ATAT1: variants seen among roughly 807,000 people sequenced by gnomAD.
The protein encoded by ATAT1 is alpha tubulin acetyltransferase 1.
ATAT1 carries 42 observed loss-of-function variants against 57.2 expected under a neutral mutation model. That is an observed-to-expected ratio of 0.73 (90% CI 0.57 to 0.95). The LOEUF is 0.95. Ranked by LOEUF, ATAT1 falls within the 40% of genes least tolerant of loss-of-function variation. The probability of loss-of-function intolerance (pLI) is 0.00; values close to 1 mark genes in which losing one functional copy is unlikely to be tolerated. For synonymous variants in ATAT1, 168 were observed against 187.1 expected (o/e 0.90, Z 0.83); for missense variants, 454 against 523.7 (o/e 0.87, Z 1.30).
At chr6:30,634,690 TTAAAA>T (rs1360539853) in intron 6 of ATAT1, among the ~76,000 whole-genome samples, 33 of 148,140 alleles carry the variant, frequency 2.2e-4, no homozygotes, top group Admixed American at 2.2e-3. Flanking sequence ...AAAACCTTGT[TTAAAA>T]AAAAAAAAAA....
At chr6:30,638,839 G>C (rs1289228275) in intron 6 of ATAT1, among the ~76,000 whole-genome samples, 1 of 152,162 alleles carries the variant, frequency 6.6e-6, no homozygotes, top group African/African-American at 2.4e-5. Flanking sequence ...TGACTTCCAG[G>C]ATTGTGAAGG....
intron 6 of ATAT1, among the ~76,000 whole-genome samples, chr6:30,639,650 T>C (rs956645318): frequency 7.2e-5 from 11 of 151,994 alleles, no homozygotes; most frequent in African/African-American, 2.7e-4. Flanking sequence ...CTAATTTTTT[T>C]GTATTTTTAG....
Position 30,628,334 on chromosome 6 carries a change from G to A in ATAT1, c.405G>A (p.Glu135=). The change falls in exon 6 of 13, where the codon GAG becomes GAA. Residue 135 remains glutamate (E), a synonymous_variant. Transcript: ENST00000330083. ...GAGTCTCCTTTTCCCTGCAGAAGGA[G>A]CGAGTGGAACCGCACCAACTGGCAA... 1 of 1,612,984 alleles carries A rather than the reference G, an allele frequency of 6.2e-7. No individual in the cohort carries two copies. The highest frequency in any genetic ancestry group is 8.5e-7 in the Non-Finnish European group (1 of 1,179,998).
chr6:30,630,763 C>T (rs982582369), intron 6 of ATAT1, among the ~76,000 whole-genome samples: 3 of 152,008 alleles, frequency 2.0e-5, no homozygotes, highest in African/African-American at 7.2e-5. Flanking sequence ...CATAGTGAAA[C>T]CCTGTCTCTA....
At chr6:30,643,484 C>T (rs1765984842) in intron 10 of ATAT1, 1 of 1,549,760 alleles carries the variant, frequency 6.5e-7, no homozygotes, top group Admixed American at 2.0e-5. Flanking sequence ...CCGCCCCCCG[C>T]CATTTCCCAT....
intron 6 of ATAT1, 43 bp from the exon 7 acceptor site, chr6:30,640,334 G>A (rs1220986781): frequency 5.0e-6 from 8 of 1,602,134 alleles, no homozygotes; most frequent in South Asian, 4.4e-5. Flanking sequence ...TATCCCCATC[G>A]TTAAGTGATG....
chr6:30,646,761 T>C lies in ATAT1; in HGVS notation c.*118T>C, dbSNP rs1047652756. ...TTCATTCATTCATTCAGCAGGCTTATCAGATTCAAGTCATTTGTATCTTTT... is the reference window on the plus strand; with the variant it reads ...TTCATTCATTCATTCAGCAGGCTTACCAGATTCAAGTCATTTGTATCTTTT... On this transcript the variant is annotated 3_prime_UTR_variant, in exon 13 of 13. Coordinates refer to ENST00000330083, the MANE Select transcript of ATAT1 (RefSeq NM_001031722.4). 1.5e-6 allele frequency: 2 copies of C among 1,359,460 alleles called. No individual in the cohort carries two copies. Among genetic ancestry groups the C allele is most frequent in the Non-Finnish European group, 1.9e-6 (2 of 1,031,596 alleles). 84.2% of individuals were successfully genotyped at this position (1,359,460 alleles called of 1,614,324 possible).
chr6:30,644,339 T>C, intron 10 of ATAT1: 1 of 985,844 alleles, frequency 1.0e-6, no homozygotes, highest in Non-Finnish European at 1.2e-6. Flanking sequence ...CATCCCTCCC[T>C]GGTAGCTAGG....
chr6:30,629,347 G>A (rs1762360338), intron 6 of ATAT1, among the ~76,000 whole-genome samples: 1 of 149,856 alleles, frequency 6.7e-6, no homozygotes, highest in Non-Finnish European at 1.5e-5. Context: ...GGGTTCAAGT[G>A]ATTCTTGTGC....
intron 10 of ATAT1, chr6:30,643,557 T>C (rs1383874206): frequency 1.4e-5 from 22 of 1,550,610 alleles, no homozygotes; most frequent in Admixed American, 2.0e-5. Context: ...GGAGAGTCGA[T>C]ACTAACAGCT....
chr6:30,642,833 G>GCA lies in ATAT1; in HGVS notation c.755_756insAC (p.His253ProfsTer67). The GCA allele has an allele frequency of 9.8e-6, 15 of 1,537,868 alleles. No homozygotes were observed. Among genetic ancestry groups the GCA allele is most frequent in the South Asian group, 3.5e-5 (3 of 86,350 alleles). On this transcript the variant is annotated frameshift_variant, in exon 10 of 13. Coordinates refer to ENST00000330083, the MANE Select transcript of ATAT1 (RefSeq NM_001031722.4). LOFTEE classifies it high-confidence loss of function. The stretch of plus-strand genomic sequence containing the variant: ...GGCCCCTCGCCGCGCCACACCTCCA[G>GCA]CCCACCCACCCCCCCGCTCCAGCAG...
At chr6:30,632,243 T>G (rs1763048763) in intron 6 of ATAT1, among the ~76,000 whole-genome samples, 1 of 140,096 alleles carries the variant, frequency 7.1e-6, no homozygotes, top group Non-Finnish European at 1.5e-5. Context: ...CACTCCTGCC[T>G]GGGCGACAGA....
At chr6:30,637,434 G>C (rs1230489111) in intron 6 of ATAT1, among the ~76,000 whole-genome samples, 1 of 151,188 alleles carries the variant, frequency 6.6e-6, no homozygotes, top group Non-Finnish European at 1.5e-5. Context: ...GCAGTGGCAC[G>C]ATCACGGCTC....
intron 6 of ATAT1, among the ~76,000 whole-genome samples, chr6:30,629,278 C>T (rs1342805211): frequency 6.7e-6 from 1 of 149,664 alleles, no homozygotes; most frequent in Non-Finnish European, 1.5e-5. Flanking sequence ...TAGCCTTGCT[C>T]CATCGTCCAG....
At chr6:30,643,679 A>C (rs947917122) in intron 10 of ATAT1, 13 of 1,517,656 alleles carry the variant, frequency 8.6e-6, no homozygotes, top group Non-Finnish European at 1.2e-5. Context: ...GACAGAGCCC[A>C]TAGGATTCCC....
At position 30,644,094 on chromosome 6, in the gene ATAT1, A is replaced by G. The variant is rs1432708394; in HGVS notation, c.932+1083A>G. Reference sequence around the variant, plus strand: ...CTGCTTCAGAGCAGTCTAGTTAGGTAGAACAGGGACTTACCAGCTTCCCAA... The same window carrying G: ...CTGCTTCAGAGCAGTCTAGTTAGGTGGAACAGGGACTTACCAGCTTCCCAA... On this transcript the variant is annotated intron_variant, in intron 10 of 12. Transcript: ENST00000330083. 3 of 986,938 alleles carry G rather than the reference A, an allele frequency of 3.0e-6. No homozygotes were observed. In the East Asian group the frequency reaches 3.4e-4, roughly 111 times the overall value. 61.1% of individuals were successfully genotyped at this position (986,938 alleles called of 1,614,324 possible). A position where few individuals can be genotyped will look rare whatever the true frequency, so the allele number is the denominator to read the frequency against.
At position 30,628,365 on chromosome 6, in the gene ATAT1, C is replaced by T. The variant is rs151162327; in HGVS notation, c.436C>T (p.Arg146Ter). 3.7e-6 allele frequency: 6 copies of T among 1,612,908 alleles called. No homozygotes were observed. Among genetic ancestry groups the T allele is most frequent in the African/African-American group, 2.7e-5 (2 of 74,906 alleles). Residue 146 changes from arginine (R) to a stop codon, truncating the protein, a stop_gained, in exon 6 of 13, where the codon CGA becomes TGA. Transcript: ENST00000330083. LOFTEE classifies it high-confidence loss of function. The stretch of plus-strand genomic sequence containing the variant: ...GGAACCGCACCAACTGGCAATTGAC[C>T]GACCCTCACAGAAGCTGCTGAAATT...
At chr6:30,627,787 C>G in intron 3 of ATAT1, 60 bp downstream of exon 3, 4 of 1,604,902 alleles carry the variant, frequency 2.5e-6, no homozygotes, top group South Asian at 2.2e-5. Context: ...GCCCTTCCCC[C>G]ATCTTTGACT....
intron 6 of ATAT1, among the ~76,000 whole-genome samples, chr6:30,636,158 T>G (rs1159080329): frequency 6.6e-6 from 1 of 152,134 alleles, no homozygotes; most frequent in African/African-American, 2.4e-5. Flanking sequence ...ATTTGAGTGC[T>G]ATCTTGGGCT....
Sources: allele counts gnomAD v4.1 joint callset (sites outside exome capture counted in the v4.1 genomes callset), GRCh38; gene constraint gnomAD v4.1.1; transcripts MANE v1.5; gene names NCBI Gene and HGNC (gene_info 2026-07-23, HGNC 2026-07-21).